The following WDHD1 variants were observed in gnomAD, a reference collection of about 807,000 sequenced individuals.
The protein encoded by WDHD1 is WD repeat and HMG-box DNA binding protein 1.
Under a neutral mutation model 135.4 loss-of-function variants are expected in WDHD1, and 111 were observed. The ratio of observed to expected loss-of-function variants is 0.82; its 90% CI spans 0.70 to 0.96. The LOEUF is 0.96. Ranked by LOEUF, WDHD1 falls within the 40% of genes least tolerant of loss-of-function variation. WDHD1 has a pLI of 0.00. For synonymous variants in WDHD1, 434 were observed against 439.0 expected (o/e 0.99, Z 0.14); for missense variants, 1,351 against 1,336.3 (o/e 1.01, Z -0.17).
Position 55,027,019 on chromosome 14 carries a change from G to A in WDHD1, c.-17+9C>T, listed in dbSNP as rs973203391. ...TTGGTGGACGCGGGCAGCCGGAGTG[G>A]GGACTCACCCGGGTGACCGAGCCTC... On this transcript the variant is annotated intron_variant, in intron 1 of 25. Coordinates refer to ENST00000360586, the MANE Select transcript of WDHD1 (RefSeq NM_007086.4). 1 of 530,396 alleles carries A rather than the reference G, an allele frequency of 1.9e-6. No homozygotes were observed. The allele number at this position is 530,396 out of a possible 1,614,324, so 32.9% of individuals were successfully genotyped here. A position where few individuals can be genotyped will look rare whatever the true frequency, so the allele number is the denominator to read the frequency against.
intron 8 of WDHD1, 22 bp from the exon 9 acceptor site, chr14:55,001,014 AAAT>A: frequency 7.1e-7 from 1 of 1,412,000 alleles, no homozygotes; most frequent in Admixed American, 2.4e-5. Flanking sequence ...AACAGTTAAT[AAAT>A]AATGATTTTG....
At chr14:55,000,236 C>T (rs2140213395) in intron 10 of WDHD1, among the ~76,000 whole-genome samples, 1 of 152,216 alleles carries the variant, frequency 6.6e-6, no homozygotes, top group South Asian at 2.1e-4. Context: ...GCAGGCCAAA[C>T]TGAGACCTGA....
chr14:54,961,818 T>G (rs949915922), intron 21 of WDHD1, among the ~76,000 whole-genome samples: 3 of 151,660 alleles, frequency 2.0e-5, no homozygotes, highest in African/African-American at 7.3e-5. Context: ...GCCCACTCCC[T>G]GTACGCAACC....
At chr14:54,976,062 C>T (rs867404325) in intron 16 of WDHD1, among the ~76,000 whole-genome samples, 5 of 152,180 alleles carry the variant, frequency 3.3e-5, no homozygotes, top group South Asian at 2.1e-4. Flanking sequence ...GGCTACTGAA[C>T]GAGGATTTCA....
Position 55,007,400 on chromosome 14 carries a change from C to A in WDHD1, c.505-25G>T, listed in dbSNP as rs762384174. ...TCTAATTGGTAAAAAAAGAAAATTT[C>A]TTTCCTTTATGAAAATCCCCCCCAA... On this transcript the variant is annotated intron_variant, in intron 6 of 25. Coordinates refer to ENST00000360586, the MANE Select transcript of WDHD1 (RefSeq NM_007086.4). 8 of 1,519,636 alleles carry A rather than the reference C, an allele frequency of 5.3e-6. 1 individual carries two copies. Among genetic ancestry groups the A allele is most frequent in the Non-Finnish European group, 7.1e-6 (8 of 1,121,810 alleles). The allele number at this position is 1,519,636 out of a possible 1,614,324, so 94.1% of individuals were successfully genotyped here.
Position 55,010,417 on chromosome 14 carries a change from A to G in WDHD1, c.233T>C (p.Val78Ala). The G allele has an allele frequency of 6.2e-7, 1 of 1,612,116 alleles. No individual in the cohort carries two copies. Among genetic ancestry groups the G allele is most frequent in the Non-Finnish European group, 8.5e-7 (1 of 1,179,310 alleles). ...TGGAACTCCTTCAGGAAATGTGTGG[A>G]CTTGAATAGTATTATTAGAAACTGC... Reference protein sequence around the residue: ...VTAVSNNTIQVHTFPEGVPDG... With the variant: ...VTAVSNNTIQAHTFPEGVPDG... Residue 78 changes from valine (V) to alanine (A), a missense_variant, in exon 4 of 26, where the codon GTC (valine) becomes GCC (alanine). Val to Ala is a moderately conservative substitution (Grantham distance 64). Transcript: ENST00000360586.
intron 13 of WDHD1, among the ~76,000 whole-genome samples, chr14:54,988,450 A>G (rs1384136070): frequency 1.3e-5 from 2 of 152,220 alleles, no homozygotes; most frequent in African/African-American, 4.8e-5. Flanking sequence ...TTTTCGGGTG[A>G]TAAAGAACAT....
At chr14:55,022,572 C>T (rs1371059253) in intron 2 of WDHD1, among the ~76,000 whole-genome samples, 2 of 152,070 alleles carry the variant, frequency 1.3e-5, no homozygotes, top group East Asian at 3.9e-4. Context: ...ATCCCAGCTA[C>T]TCGGGAGGCT....
rs2042148730 is a variant in WDHD1, at chr14:55,010,369, G to A, written c.281C>T (p.Thr94Ile). ...AAAGACCACATGGTTTGCATTTGTA[G>A]TGAAGCGAGTCAATATACCATCTGG... is the stretch of plus-strand genomic sequence containing the variant. Reference protein sequence around the residue: ...GVPDGILTRFTTNANHVVFNG... With the variant: ...GVPDGILTRFITNANHVVFNG... The change falls in exon 4 of 26, where the codon ACT (threonine) becomes ATT (isoleucine). Residue 94 changes from threonine (T) to isoleucine (I), a missense_variant. Around this residue, in one of 2 missense-constraint regions of WDHD1, gnomAD observed 1,330 missense variants for 1,296.1 expected, o/e 1.03. Transcript: ENST00000360586. 2 of 1,613,608 alleles carry A rather than the reference G, an allele frequency of 1.2e-6. No homozygotes were observed. The highest frequency in any genetic ancestry group is 1.7e-6 in the Non-Finnish European group (2 of 1,179,796).
rs773600347 is a variant in WDHD1, at chr14:55,013,518, A to G, written c.156T>C (p.Asn52=). Residue 52 remains asparagine (N), a synonymous_variant, in exon 3 of 26, where the codon AAT becomes AAC. Coordinates refer to ENST00000360586, the MANE Select transcript of WDHD1 (RefSeq NM_007086.4). ...CACATGAATATGCCTTTTCTCCAAC[A>G]TTAATGAACTTAGGATCATCATCAT... ...DLDDDDPKFI[N]VGEKAYSCAL... 1.5e-4 allele frequency: 237 copies of G among 1,613,940 alleles called. 4 individuals are homozygous for G. In the South Asian group the frequency reaches 2.6e-3, roughly 17 times the overall value.
intron 24 of WDHD1, among the ~76,000 whole-genome samples, chr14:54,946,223 T>C (rs1435817334): frequency 2.0e-5 from 3 of 152,240 alleles, no homozygotes; most frequent in Admixed American, 1.3e-4. Context: ...ATTTCTTTCT[T>C]TGTTTTTTAA....
At chr14:54,969,358 A>AAG (rs928345041) in intron 16 of WDHD1, among the ~76,000 whole-genome samples, 3 of 151,108 alleles carry the variant, frequency 2.0e-5, no homozygotes, top group Admixed American at 6.6e-5. Context: ...AAAAAAAAAA[A>AAG]AGAGAGAGAG....
In WDHD1 at chr14:54,954,701, C is replaced by G. The variant is rs187618352; in HGVS notation, c.3050+860G>C. On this transcript the variant is annotated intron_variant, in intron 24 of 25. Transcript: ENST00000360586. ...TTTATGTATTTACTTTTTCTGATAGCCTTGCTATAGTATAAAGAAGTTCTT... is the reference window on the plus strand; with the variant it reads ...TTTATGTATTTACTTTTTCTGATAGGCTTGCTATAGTATAAAGAAGTTCTT... 8.5e-5 allele frequency among the ~76,000 whole-genome samples: 13 copies of G among 152,216 alleles called. No individual in the cohort carries two copies. In the East Asian group the frequency reaches 2.5e-3, roughly 29 times the overall value.
chr14:54,958,865 T>C (rs1334933582), intron 21 of WDHD1, among the ~76,000 whole-genome samples: 3 of 152,256 alleles, frequency 2.0e-5, no homozygotes, highest in Non-Finnish European at 4.4e-5. Flanking sequence ...TTTAAATTGC[T>C]ATACTTATGC....
intron 24 of WDHD1, among the ~76,000 whole-genome samples, chr14:54,948,072 G>A (rs1045873851): frequency 4.0e-5 from 6 of 151,784 alleles, no homozygotes; most frequent in South Asian, 2.1e-4. Flanking sequence ...AAAATTAAGC[G>A]GTTCCAAGAT....
At chr14:54,953,914 C>G (rs988589284) in intron 24 of WDHD1, among the ~76,000 whole-genome samples, 3 of 151,996 alleles carry the variant, frequency 2.0e-5, no homozygotes, top group East Asian at 1.9e-4. Flanking sequence ...TAGGTGAGAA[C>G]TGAACAATGA....
chr14:55,002,174 A>C lies in WDHD1; in HGVS notation c.612T>G (p.Ile204Met), dbSNP rs2041990399. 6.3e-7 allele frequency: 1 copy of C among 1,594,316 alleles called. No individual in the cohort carries two copies. The highest frequency in any genetic ancestry group is 1.1e-5 in the South Asian group (1 of 88,078). ...WQPKSGKLLA[I>M]PVEKSVKLYR... ...ATAGCTTAACAGATTTTTCCACAGG[A>C]ATTGCCAGTAACTATTAGAAAAGAT... The change falls in exon 8 of 26, where the codon ATT becomes ATG. Residue 204 changes from isoleucine to methionine, a missense_variant. Ile to Met is a conservative substitution (Grantham distance 10, BLOSUM62 1). This residue lies in a region of WDHD1 where 1,330 missense variants were observed against 1,296.1 expected (regional missense o/e 1.03). Transcript: ENST00000360586.
Position 54,991,195 on chromosome 14 carries a change from T to C in WDHD1, c.1341+18A>G, listed in dbSNP as rs372597323. 47 of 1,415,250 alleles carry C rather than the reference T, an allele frequency of 3.3e-5. No individual in the cohort carries two copies. Among genetic ancestry groups the C allele is most frequent in the Middle Eastern group, 1.8e-4 (1 of 5,690 alleles). 87.7% of individuals were successfully genotyped at this position (1,415,250 alleles called of 1,614,324 possible). ...GCTGAAAACCTACTAAGAAGTTAAGTGTAGATCCAAGTCTTACCATGAATC... is the reference window on the plus strand; with the variant it reads ...GCTGAAAACCTACTAAGAAGTTAAGCGTAGATCCAAGTCTTACCATGAATC... On this transcript the variant is annotated intron_variant, in intron 12 of 25. Transcript: ENST00000360586.
chr14:54,965,335 C>A (rs1382181595), intron 18 of WDHD1, among the ~76,000 whole-genome samples: 1 of 152,160 alleles, frequency 6.6e-6, no homozygotes, highest in African/African-American at 2.4e-5. Context: ...ACACCCTGCT[C>A]CAAAGATAAA....
Sources: gnomAD v4.1 joint callset for allele counts (sites outside exome capture counted in the v4.1 genomes callset) on GRCh38, gnomAD v4.1.1 for gene constraint, gnomAD v4.1.1 regional missense constraint, MANE v1.5 for transcripts, NCBI Gene and HGNC (gene_info 2026-07-23, HGNC 2026-07-21) for gene names.